The following MAST4 variants were observed in gnomAD, a reference collection of about 807,000 sequenced individuals.
The protein encoded by MAST4 is microtubule-associated serine/threonine-protein kinase 4.
Under a neutral mutation model 162.7 loss-of-function variants are expected in MAST4, and 89 were observed. The observed-to-expected ratio is 0.55, with a 90% CI of 0.46 to 0.65. MAST4 has a LOEUF of 0.65. Among genes scored for constraint, MAST4 ranks in the 30% least tolerant of loss-of-function variants. MAST4 has a pLI of 0.00. For synonymous variants in MAST4, 1,479 were observed against 1,361.1 expected (o/e 1.09, Z -1.91); for missense variants, 3,153 against 3,374.0 (o/e 0.93, Z 1.62).
At chr5:67,010,749 C>A (rs547158967) in intron 4 of MAST4, among the ~76,000 whole-genome samples, 18 of 152,166 alleles carry the variant, frequency 1.2e-4, no homozygotes, top group African/African-American at 3.4e-4. Context: ...TGGTCAACAC[C>A]CCCAGCACTC....
At chr5:66,680,382 C>A (rs974239956) in intron 1 of MAST4, among the ~76,000 whole-genome samples, 2 of 152,168 alleles carry the variant, frequency 1.3e-5, no homozygotes, top group African/African-American at 4.8e-5. Flanking sequence ...ATTGTCTTTC[C>A]TGACTCCCTT....
intron 3 of MAST4, among the ~76,000 whole-genome samples, chr5:66,846,910 A>T (rs1042057044): frequency 4.6e-5 from 7 of 152,188 alleles, no homozygotes; most frequent in Non-Finnish European, 1.0e-4. Flanking sequence ...TGACTTAACT[A>T]AATTCAGATC....
At chr5:67,072,100 A>G (rs1191079411) in intron 5 of MAST4, among the ~76,000 whole-genome samples, 1 of 152,240 alleles carries the variant, frequency 6.6e-6, no homozygotes, top group Admixed American at 6.5e-5. Flanking sequence ...ACTTACTAGC[A>G]TGAAAAGCAA....
intron 1 of MAST4, among the ~76,000 whole-genome samples, chr5:66,683,802 A>G (rs915971474): frequency 6.6e-6 from 1 of 152,192 alleles, no homozygotes; most frequent in African/African-American, 2.4e-5. Context: ...GCTCTGAAAT[A>G]ACCAGTAGGC....
intron 1 of MAST4, among the ~76,000 whole-genome samples, chr5:66,616,635 C>T (rs183452517): frequency 6.6e-6 from 1 of 151,916 alleles, no homozygotes; most frequent in Non-Finnish European, 1.5e-5. Context: ...TCTGTAGAAC[C>T]CCCAAGCAGC....
chr5:66,947,560 T>G (rs1744185098), intron 4 of MAST4, among the ~76,000 whole-genome samples: 1 of 152,164 alleles, frequency 6.6e-6, no homozygotes, highest in Non-Finnish European at 1.5e-5. Flanking sequence ...CCACTCACTT[T>G]ACTACTCAAC....
intron 4 of MAST4, among the ~76,000 whole-genome samples, chr5:66,979,466 G>A (rs1748522395): frequency 6.6e-6 from 1 of 152,288 alleles, no homozygotes; most frequent in South Asian, 2.1e-4. Context: ...TAGGGAGTAA[G>A]CCTGGTGTTC....
Position 67,163,212 on chromosome 5 carries a change from C to A in MAST4, c.4033C>A (p.His1345Asn). ...SAPNSPAGSG[H>N]IRPSTLHGLA... The stretch of plus-strand genomic sequence containing the variant: ...CCCCAATTCCCCAGCAGGGTCCGGG[C>A]ACATCCGGCCCAGCACTCTCCACGG... Residue 1345 changes from histidine to asparagine, a missense_variant, in exon 29 of 29, where the codon CAC (histidine) becomes AAC (asparagine). Coordinates refer to ENST00000403625, the MANE Select transcript of MAST4 (RefSeq NM_001164664.2). The surrounding 1 kb of genome is among the most constrained non-coding windows in gnomAD (Gnocchi z 7.0). 6.2e-7 allele frequency: 1 copy of A among 1,613,860 alleles called. No individual in the cohort carries two copies. Among genetic ancestry groups the A allele is most frequent in the Non-Finnish European group, 8.5e-7 (1 of 1,179,824 alleles).
chr5:67,055,109 C>T (rs562950034), intron 5 of MAST4, among the ~76,000 whole-genome samples: 1 of 151,560 alleles, frequency 6.6e-6, no homozygotes, highest in Non-Finnish European at 1.5e-5. Flanking sequence ...GAGCCATTTG[C>T]CCAAGATGTT....
At chr5:66,951,605 T>C (rs1744688953) in intron 4 of MAST4, among the ~76,000 whole-genome samples, 5 of 102,862 alleles carry the variant, frequency 4.9e-5, no homozygotes, top group Admixed American at 1.0e-4. Context: ...GATATGTGTG[T>C]GTGTGTGTGT....
At chr5:66,747,688 T>C (rs1752854346) in intron 1 of MAST4, among the ~76,000 whole-genome samples, 1 of 152,098 alleles carries the variant, frequency 6.6e-6, no homozygotes, top group Non-Finnish European at 1.5e-5. Flanking sequence ...CACTCAAAAA[T>C]AGGTGAAGAG....
chr5:67,004,122 C>T (rs915964877), intron 4 of MAST4, among the ~76,000 whole-genome samples: 3 of 152,182 alleles, frequency 2.0e-5, no homozygotes, highest in African/African-American at 4.8e-5. Flanking sequence ...TATTTATTTC[C>T]GGGACGGATC....
At chr5:67,073,623 C>G (rs1297442401) in intron 5 of MAST4, among the ~76,000 whole-genome samples, 1 of 152,088 alleles carries the variant, frequency 6.6e-6, no homozygotes, top group Non-Finnish European at 1.5e-5. Flanking sequence ...TTGGACCTGA[C>G]CTACCTGAGA....
chr5:67,000,752 A>G (rs1258519947), intron 4 of MAST4, among the ~76,000 whole-genome samples: 1 of 138,632 alleles, frequency 7.2e-6, no homozygotes, highest in East Asian at 2.2e-4. Context: ...CTGTCTAAAA[A>G]AAAAGGGGGG....
intron 4 of MAST4, among the ~76,000 whole-genome samples, chr5:66,948,606 A>G (rs945205467): frequency 6.6e-6 from 1 of 152,112 alleles, no homozygotes; most frequent in Admixed American, 6.6e-5. Flanking sequence ...CTCACAAGCC[A>G]TGTCGCTGGG....
intron 1 of MAST4, among the ~76,000 whole-genome samples, chr5:66,627,049 A>T (rs1580031594): frequency 7.2e-6 from 1 of 139,310 alleles, no homozygotes; most frequent in Non-Finnish European, 1.6e-5. Flanking sequence ...TAATAAAGAC[A>T]TGTGAGACTG....
chr5:66,688,280 G>A (rs764327094), intron 1 of MAST4, among the ~76,000 whole-genome samples: 3 of 152,238 alleles, frequency 2.0e-5, no homozygotes, highest in Non-Finnish European at 2.9e-5. Flanking sequence ...GATGCCTGCA[G>A]TGATTTGACA....
intron 4 of MAST4, among the ~76,000 whole-genome samples, chr5:66,945,451 A>G (rs1743908443): frequency 6.6e-6 from 1 of 152,174 alleles, no homozygotes; most frequent in South Asian, 2.1e-4. Flanking sequence ...ACATACTATC[A>G]GGAAAGTTAT....
At chr5:67,121,345 A>C (rs1001335328) in intron 14 of MAST4, among the ~76,000 whole-genome samples, 1 of 151,998 alleles carries the variant, frequency 6.6e-6, no homozygotes, top group African/African-American at 2.4e-5. Context: ...TTCAAGGAAA[A>C]ATTTTATTTA....
Sources: allele counts gnomAD v4.1 joint callset (sites outside exome capture counted in the v4.1 genomes callset), GRCh38; gene constraint gnomAD v4.1.1; non-coding constraint Gnocchi (gnomAD v3.1); transcripts MANE v1.5; gene names NCBI Gene and HGNC (gene_info 2026-07-23, HGNC 2026-07-21).